The following CLSTN2 variants were observed in gnomAD, a reference collection of about 807,000 sequenced individuals.
The protein encoded by CLSTN2 is calsyntenin-2.
CLSTN2 carries 48 observed loss-of-function variants against 101.2 expected under a neutral mutation model. The observed-to-expected ratio is 0.47, with a 90% CI of 0.38 to 0.60. The LOEUF (loss-of-function observed/expected upper bound fraction) is 0.60. Among genes scored for constraint, CLSTN2 ranks in the 20% least tolerant of loss-of-function variants. The pLI, the probability that CLSTN2 is intolerant of heterozygous loss-of-function variation, is 0.00. For synonymous variants in CLSTN2, 481 were observed against 463.6 expected (o/e 1.04, Z -0.48); for missense variants, 1,160 against 1,238.2 (o/e 0.94, Z 0.95).
intron 1 of CLSTN2, among the ~76,000 whole-genome samples, chr3:140,054,496 G>A (rs987991602): frequency 6.6e-6 from 1 of 152,140 alleles, no homozygotes; most frequent in African/African-American, 2.4e-5. Flanking sequence ...GTCAGTAAGG[G>A]GTGGAGATGA....
At chr3:140,249,657 A>T (rs1487370844) in intron 2 of CLSTN2, among the ~76,000 whole-genome samples, 1 of 152,048 alleles carries the variant, frequency 6.6e-6, no homozygotes, top group African/African-American at 2.4e-5. Context: ...GGATTGGGGG[A>T]CTGATAGGGA....
rs975482447 is a variant in CLSTN2 at position 140,577,217 on chromosome 3, A to G, written c.*10964A>G. On this transcript the variant is annotated 3_prime_UTR_variant, in exon 17 of 17. Transcript: ENST00000458420. ...ACCCATGTTTGAATCACAAACTTTA[A>G]ATTTATAATAATTATGATTCTTGCA... 2.0e-5 allele frequency: 3 copies of G among 152,202 alleles called. No individual in the cohort carries two copies. The highest frequency in any genetic ancestry group is 7.2e-5 in the African/African-American group (3 of 41,458). The allele number at this position is 152,202 out of a possible 1,614,324, so 9.4% of individuals were successfully genotyped here.
intron 1 of CLSTN2, among the ~76,000 whole-genome samples, chr3:139,975,432 T>G (rs572635562): frequency 6.6e-6 from 1 of 152,280 alleles, no homozygotes; most frequent in South Asian, 2.1e-4. Context: ...AGTGAGTGCT[T>G]GTTGAGTGTT....
At chr3:140,480,536 G>C (rs78696726) in intron 8 of CLSTN2, among the ~76,000 whole-genome samples, 1 of 152,190 alleles carries the variant, frequency 6.6e-6, no homozygotes, top group Non-Finnish European at 1.5e-5. Context: ...CTTCCACAAT[G>C]GTTGAACTAG....
At chr3:140,058,123 C>A (rs568166296) in intron 1 of CLSTN2, among the ~76,000 whole-genome samples, 5 of 152,282 alleles carry the variant, frequency 3.3e-5, no homozygotes, top group South Asian at 2.1e-4. Context: ...AACACTCAGG[C>A]ATGCTGTCTA....
At chr3:140,360,083 T>G (rs2087711916) in intron 2 of CLSTN2, among the ~76,000 whole-genome samples, 1 of 152,038 alleles carries the variant, frequency 6.6e-6, no homozygotes, top group African/African-American at 2.4e-5. Flanking sequence ...TGGGAACACA[T>G]TTATAATTTA....
chr3:140,383,661 A>G lies in CLSTN2; in HGVS notation c.233-19968A>G, dbSNP rs577005354. Among the ~76,000 whole-genome samples, 3 of 152,336 alleles carry G rather than the reference A, an allele frequency of 2.0e-5. No homozygotes were observed. The South Asian group carries it at 6.2e-4, about 32-fold the overall frequency. On this transcript the variant is annotated intron_variant, in intron 2 of 16. Transcript: ENST00000458420. ...GGAATTAAATTATCCTGGGCCTTCT[A>G]CAAATATCCACTATATAGAGAGAGG...
chr3:140,041,895 G>C (rs1035622023), intron 1 of CLSTN2, among the ~76,000 whole-genome samples: 2 of 152,190 alleles, frequency 1.3e-5, no homozygotes, highest in Non-Finnish European at 2.9e-5. Flanking sequence ...GGAGGGAAGA[G>C]GGGGCTGAGC....
Position 140,037,690 on chromosome 3 carries a change from C to T in CLSTN2, c.109+102207C>T, listed in dbSNP as rs553879160. ...CATCCATTGGCTTTTCTTCCTGATG[C>T]TCTCCCTACCCCGACCCCACTGACT... On this transcript the variant is annotated intron_variant, in intron 1 of 16. Transcript: ENST00000458420. Among the ~76,000 whole-genome samples the T allele has an allele frequency of 1.3e-3, 196 of 152,200 alleles. 1 individual carries two copies. The South Asian group carries it at 0.017, about 13-fold the overall frequency.
At chr3:139,990,237 T>C (rs78680224) in intron 1 of CLSTN2, among the ~76,000 whole-genome samples, 46 of 152,302 alleles carry the variant, frequency 3.0e-4, no homozygotes, top group African/African-American at 1.1e-3. Context: ...TGAATGTCAA[T>C]AAGTTTGGTC....
intron 1 of CLSTN2, among the ~76,000 whole-genome samples, chr3:140,058,479 A>C (rs574158961): frequency 6.6e-6 from 1 of 152,356 alleles, no homozygotes; most frequent in African/African-American, 2.4e-5. Flanking sequence ...TAGAATTTGC[A>C]TGCCTGGAGC....
intron 2 of CLSTN2, among the ~76,000 whole-genome samples, chr3:140,203,030 C>T (rs893701830): frequency 1.1e-4 from 17 of 152,240 alleles, no homozygotes; most frequent in African/African-American, 3.9e-4. Flanking sequence ...ATAGTGGAAC[C>T]CCAAGGTGGG....
intron 1 of CLSTN2, among the ~76,000 whole-genome samples, chr3:140,138,270 A>G (rs2009644902): frequency 6.6e-6 from 1 of 152,210 alleles, no homozygotes; most frequent in Non-Finnish European, 1.5e-5. Context: ...AGAGACAGGG[A>G]CAGCTTAAAA....
At chr3:140,435,509 G>C (rs2088676286) in intron 5 of CLSTN2, among the ~76,000 whole-genome samples, 1 of 152,152 alleles carries the variant, frequency 6.6e-6, no homozygotes, top group South Asian at 2.1e-4. Context: ...AATTATTGTA[G>C]ACAGTGCTGC....
At chr3:140,339,488 AATCTGACTGTGC>A (rs2087471751) in intron 2 of CLSTN2, among the ~76,000 whole-genome samples, 1 of 152,158 alleles carries the variant, frequency 6.6e-6, no homozygotes, top group African/African-American at 2.4e-5. Context: ...GTGGTTTTCA[AATCTGACTGTGC>A]ATCCATGTCA....
intron 2 of CLSTN2, among the ~76,000 whole-genome samples, chr3:140,236,987 G>C (rs1244079529): frequency 6.6e-6 from 1 of 151,702 alleles, no homozygotes; most frequent in African/African-American, 2.4e-5. Context: ...TGTCACTTCT[G>C]GGTCTATTTC....
chr3:140,198,902 T>G (rs1205221769), intron 2 of CLSTN2, among the ~76,000 whole-genome samples: 1 of 152,220 alleles, frequency 6.6e-6, no homozygotes, highest in East Asian at 1.9e-4. Flanking sequence ...TATATCCCAC[T>G]TTGAATGAAA....
intron 1 of CLSTN2, among the ~76,000 whole-genome samples, chr3:140,011,649 A>G (rs1320760010): frequency 6.6e-6 from 1 of 151,818 alleles, no homozygotes; most frequent in Non-Finnish European, 1.5e-5. Flanking sequence ...CCTTCTCACA[A>G]CTCACCTCAG....
intron 1 of CLSTN2, among the ~76,000 whole-genome samples, chr3:139,963,148 A>C (rs1156229956): frequency 6.6e-6 from 1 of 152,068 alleles, no homozygotes; most frequent in African/African-American, 2.4e-5. Flanking sequence ...CTAGGAACTC[A>C]GCTTGGAGTG....
Sources: gnomAD v4.1 joint callset for allele counts (sites outside exome capture counted in the v4.1 genomes callset) on GRCh38, gnomAD v4.1.1 for gene constraint, MANE v1.5 for transcripts, NCBI Gene and HGNC (gene_info 2026-07-23, HGNC 2026-07-21) for gene names.